The following SPATS1 variants were observed in gnomAD, a reference collection of about 807,000 sequenced individuals.
The protein encoded by SPATS1 is spermatogenesis-associated serine-rich protein 1.
A neutral mutation model predicts 33.6 loss-of-function variants in SPATS1; 23 were observed. The observed-to-expected ratio is 0.68, with a 90% CI of 0.49 to 0.97. SPATS1 has a LOEUF of 0.97. Among genes scored for constraint, SPATS1 ranks in the 50% least tolerant of loss-of-function variants. The pLI is 0.00. For missense variants in SPATS1, 327 were observed against 361.0 expected, an observed-to-expected ratio of 0.91 and a Z score of 0.76; for synonymous variants, 131 against 125.6, an observed-to-expected ratio of 1.04 and a Z score of -0.29.
At chr6:44,353,174 T>TG (rs1336943290) in intron 3 of SPATS1, among the ~76,000 whole-genome samples, 3 of 152,246 alleles carry the variant, frequency 2.0e-5, no homozygotes, top group African/African-American at 7.2e-5. Context: ...CAGCAAGTTC[T>TG]GTGTAAGTGC....
chr6:44,350,263 G>A (rs1218435406), intron 2 of SPATS1, among the ~76,000 whole-genome samples: 1 of 152,220 alleles, frequency 6.6e-6, no homozygotes, highest in Non-Finnish European at 1.5e-5. Context: ...GCAAATTCAG[G>A]AAGTTCTGTG....
At chr6:44,365,490 C>T (rs974610262) in intron 5 of SPATS1, among the ~76,000 whole-genome samples, 1 of 152,238 alleles carries the variant, frequency 6.6e-6, no homozygotes, top group Non-Finnish European at 1.5e-5. Context: ...TCCAGCAGCT[C>T]TCCAGGACAG....
intron 3 of SPATS1, among the ~76,000 whole-genome samples, chr6:44,357,164 C>A (rs796626224): frequency 2.0e-5 from 3 of 152,290 alleles, no homozygotes; most frequent in African/African-American, 7.2e-5. Flanking sequence ...ACTCCTGCCA[C>A]AACCACATCA....
intron 5 of SPATS1, among the ~76,000 whole-genome samples, chr6:44,366,188 G>A (rs1322260605): frequency 1.1e-4 from 17 of 150,754 alleles, no homozygotes; most frequent in African/African-American, 3.9e-4. Context: ...GCAATGGTGC[G>A]ATCTCGGCTC....
chr6:44,343,369 C>CAGCTCTT, intron 2 of SPATS1, 135 bp downstream of exon 2: 1 of 999,826 alleles, frequency 1.0e-6, no homozygotes, highest in Non-Finnish European at 1.6e-6. Flanking sequence ...AAAAGAGCTG[C>CAGCTCTT]TTGAATAGTA....
chr6:44,379,796 A>AC lies in SPATS1; in HGVS notation c.*2734dup. Among the ~76,000 whole-genome samples the AC allele has an allele frequency of 2.7e-5, 4 of 150,068 alleles. No individual in the cohort carries two copies. In the South Asian group the frequency reaches 8.5e-4, roughly 32 times the overall value. On this transcript the variant is annotated 3_prime_UTR_variant, in exon 9 of 9. Coordinates refer to ENST00000674044, the MANE Select transcript of SPATS1 (RefSeq NM_001372081.1). ...CAAAAACCATGAGTAAAAAAAAAAA[A>AC]CACAAAAAAACAAAAAAACCCTACA...
At chr6:44,374,428 A>G (rs1789811299) in intron 7 of SPATS1, among the ~76,000 whole-genome samples, 1 of 152,236 alleles carries the variant, frequency 6.6e-6, no homozygotes, top group South Asian at 2.1e-4. Context: ...TTTGTCCTAA[A>G]GTATACCTAG....
At chr6:44,371,012 A>T (rs1430044282) in intron 7 of SPATS1, among the ~76,000 whole-genome samples, 1 of 148,568 alleles carries the variant, frequency 6.7e-6, no homozygotes, top group East Asian at 2.0e-4. Flanking sequence ...GTACAAAGCT[A>T]GCTGGGTGCA....
chr6:44,348,201 G>A (rs1310430355), intron 2 of SPATS1, among the ~76,000 whole-genome samples: 1 of 151,988 alleles, frequency 6.6e-6, no homozygotes, highest in African/African-American at 2.4e-5. Context: ...TAGAGACGGA[G>A]TTTCACCATG....
chr6:44,373,130 A>C (rs1789726483), intron 7 of SPATS1, among the ~76,000 whole-genome samples: 1 of 152,124 alleles, frequency 6.6e-6, no homozygotes, highest in South Asian at 2.1e-4. Flanking sequence ...ATTTTTTTGT[A>C]AAGTTCCTTC....
chr6:44,360,494 C>T lies in SPATS1; in HGVS notation c.336C>T (p.His112=). ...DRKLSFSHSD[H]SSEMSLPEVQ... Reference sequence around the variant, plus strand: ...AACTCTCCTTCTCACATTCTGATCACTCCTCTGAAATGTCGTTGCCTGAAG... The same window carrying T: ...AACTCTCCTTCTCACATTCTGATCATTCCTCTGAAATGTCGTTGCCTGAAG... The change falls in exon 4 of 9, where the codon CAC becomes CAT. Residue 112 remains histidine, a synonymous_variant. Transcript: ENST00000674044. 1 of 1,614,172 alleles carries T rather than the reference C, an allele frequency of 6.2e-7. No individual in the cohort carries two copies. Among genetic ancestry groups the T allele is most frequent in the African/African-American group, 1.3e-5 (1 of 75,048 alleles).
rs1204123793 is a variant in SPATS1 at position 44,379,950 on chromosome 6, C to T, written c.*2887C>T. ...GATGCCCAGGCCTTATTCCACGGCACCTCAATAGCTGTCAGGTAGAGTTCC... is the reference window on the plus strand; with the variant it reads ...GATGCCCAGGCCTTATTCCACGGCATCTCAATAGCTGTCAGGTAGAGTTCC... On this transcript the variant is annotated 3_prime_UTR_variant, in exon 9 of 9. Coordinates refer to ENST00000674044, the MANE Select transcript of SPATS1 (RefSeq NM_001372081.1). Among the ~76,000 whole-genome samples the T allele has an allele frequency of 6.6e-6, 1 of 152,096 alleles. No homozygotes were observed. The highest frequency in any genetic ancestry group is 1.5e-5 in the Non-Finnish European group (1 of 68,022).
intron 3 of SPATS1, among the ~76,000 whole-genome samples, chr6:44,354,048 A>C (rs1203828296): frequency 2.7e-5 from 4 of 148,620 alleles, no homozygotes; most frequent in African/African-American, 9.9e-5. Context: ...AAAAAAAAAA[A>C]AAAAACAAAA....
intron 7 of SPATS1, among the ~76,000 whole-genome samples, chr6:44,371,205 A>T (rs1583095099): frequency 6.6e-6 from 1 of 151,950 alleles, no homozygotes; most frequent in African/African-American, 2.4e-5. Flanking sequence ...AGGCTGAGGC[A>T]GGAGGGTTTC....
chr6:44,343,852 G>A (rs1787713650), intron 2 of SPATS1, among the ~76,000 whole-genome samples: 1 of 152,164 alleles, frequency 6.6e-6, no homozygotes. Context: ...TCATTTACCT[G>A]TTATGGGTGA....
chr6:44,351,176 C>T (rs1455163516), intron 2 of SPATS1, among the ~76,000 whole-genome samples: 1 of 131,388 alleles, frequency 7.6e-6, no homozygotes. Flanking sequence ...AATATAACAA[C>T]AAAAATAATA....
chr6:44,357,464 C>G (rs542325047), intron 3 of SPATS1, among the ~76,000 whole-genome samples: 2 of 152,154 alleles, frequency 1.3e-5, no homozygotes, highest in Non-Finnish European at 2.9e-5. Flanking sequence ...CTCACTGGAA[C>G]CTTGGCCTCC....
chr6:44,369,998 C>A (rs1367047664), intron 6 of SPATS1, 53 bp from the exon 7 acceptor site: 11 of 1,350,510 alleles, frequency 8.1e-6, no homozygotes, highest in Non-Finnish European at 1.2e-5. Flanking sequence ...ATGTATTGAT[C>A]TCTTTGCTGT....
At chr6:44,373,662 A>C (rs568328589) in intron 7 of SPATS1, among the ~76,000 whole-genome samples, 3 of 152,358 alleles carry the variant, frequency 2.0e-5, no homozygotes, top group East Asian at 3.9e-4. Context: ...AAATAAGAAC[A>C]AAACCTGATA....
Sources: allele counts gnomAD v4.1 joint callset (sites outside exome capture counted in the v4.1 genomes callset), GRCh38; gene constraint gnomAD v4.1.1; transcripts MANE v1.5; gene names NCBI Gene and HGNC (gene_info 2026-07-23, HGNC 2026-07-21).